The following PCDH9 variants were observed in gnomAD, a reference collection of about 807,000 sequenced individuals.
The protein encoded by PCDH9 is protocadherin-9.
In PCDH9, 24 loss-of-function variants were observed where a neutral mutation model predicts 70.6. That is an observed-to-expected ratio of 0.34 (90% CI 0.25 to 0.48). PCDH9 has a LOEUF of 0.48. Among genes scored for constraint, PCDH9 ranks in the 20% least tolerant of loss-of-function variants. PCDH9 has a pLI of 0.99. For synonymous variants in PCDH9, 562 were observed against 558.5 expected (o/e 1.01, Z -0.09); for missense variants, 1,281 against 1,503.6 (o/e 0.85, Z 2.45).
At chr13:66,698,980 T>C (rs2078600599) in intron 3 of PCDH9, among the ~76,000 whole-genome samples, 1 of 146,586 alleles carries the variant, frequency 6.8e-6, no homozygotes, top group Non-Finnish European at 1.5e-5. Context: ...AATGGTGCAA[T>C]CTCGGCTCAC....
intron 3 of PCDH9, among the ~76,000 whole-genome samples, chr13:66,688,064 T>C (rs1593896287): frequency 6.6e-6 from 1 of 152,146 alleles, no homozygotes; most frequent in African/African-American, 2.4e-5. Flanking sequence ...CCAAAGCCCA[T>C]CTTGCTTATG....
chr13:66,891,465 C>A (rs1419690936), intron 3 of PCDH9, among the ~76,000 whole-genome samples: 1 of 152,008 alleles, frequency 6.6e-6, no homozygotes, highest in African/African-American at 2.4e-5. Flanking sequence ...TGCATGCCTA[C>A]AAATTGCTTA....
intron 2 of PCDH9, among the ~76,000 whole-genome samples, chr13:66,986,878 G>A (rs1229561098): frequency 6.6e-6 from 1 of 151,652 alleles, no homozygotes; most frequent in Non-Finnish European, 1.5e-5. Context: ...GAACCACAGA[G>A]AATAGATATA....
intron 4 of PCDH9, among the ~76,000 whole-genome samples, chr13:66,493,540 T>G (rs757575377): frequency 2.6e-5 from 4 of 152,112 alleles, no homozygotes; most frequent in Non-Finnish European, 5.9e-5. Context: ...AAAAATTATT[T>G]TAAACCATGA....
intron 3 of PCDH9, among the ~76,000 whole-genome samples, chr13:66,763,196 T>A (rs530997832): frequency 9.9e-5 from 15 of 151,950 alleles, no homozygotes; most frequent in African/African-American, 3.6e-4. Flanking sequence ...AAATGACATA[T>A]ATTTTATATA....
intron 2 of PCDH9, among the ~76,000 whole-genome samples, chr13:67,031,698 A>C (rs944667855): frequency 2.0e-5 from 3 of 152,324 alleles, no homozygotes; most frequent in African/African-American, 7.2e-5. Context: ...AATAAAAATA[A>C]TAATCACATA....
At chr13:66,623,792 T>C (rs1410845185) in intron 4 of PCDH9, among the ~76,000 whole-genome samples, 2 of 152,216 alleles carry the variant, frequency 1.3e-5, no homozygotes, top group African/African-American at 4.8e-5. Flanking sequence ...AGTTTACTTA[T>C]AATACTATCT....
chr13:67,180,621 C>T (rs992317708), intron 2 of PCDH9, among the ~76,000 whole-genome samples: 6 of 152,142 alleles, frequency 3.9e-5, no homozygotes, highest in African/African-American at 1.4e-4. Flanking sequence ...TTTAAAATAA[C>T]TATTCAAAAT....
At chr13:66,826,218 AT>A (rs1435493864) in intron 3 of PCDH9, among the ~76,000 whole-genome samples, 1 of 152,178 alleles carries the variant, frequency 6.6e-6, no homozygotes, top group African/African-American at 2.4e-5. Flanking sequence ...CATGGAATGG[AT>A]TCCAAAATGG....
chr13:66,314,696 C>T (rs1955619430), intron 4 of PCDH9, among the ~76,000 whole-genome samples: 1 of 152,102 alleles, frequency 6.6e-6, no homozygotes, highest in Non-Finnish European at 1.5e-5. Context: ...CCTGAATTTA[C>T]CGTTCTTGTA....
intron 3 of PCDH9, among the ~76,000 whole-genome samples, chr13:66,747,292 AG>A (rs1240736177): frequency 6.6e-6 from 1 of 152,240 alleles, no homozygotes; most frequent in East Asian, 1.9e-4. Flanking sequence ...TGAAGGTTGC[AG>A]TGAGCCAAGA....
intron 4 of PCDH9, among the ~76,000 whole-genome samples, chr13:66,379,215 T>G (rs752237701): frequency 2.6e-5 from 4 of 152,208 alleles, no homozygotes; most frequent in Non-Finnish European, 5.9e-5. Flanking sequence ...CTACCATGTG[T>G]GCTGCACATC....
At chr13:66,842,688 T>G (rs1185346362) in intron 3 of PCDH9, among the ~76,000 whole-genome samples, 1 of 152,198 alleles carries the variant, frequency 6.6e-6, no homozygotes, top group East Asian at 1.9e-4. Flanking sequence ...GTAATGACAT[T>G]AACTGTTAAT....
At chr13:66,965,399 C>T (rs182161454) in intron 2 of PCDH9, among the ~76,000 whole-genome samples, 279 of 152,116 alleles carry the variant, frequency 1.8e-3, no homozygotes, top group African/African-American at 6.2e-3. Context: ...AGGATTTTCC[C>T]TTAATTTATC....
At chr13:66,385,460 T>G (rs1459830614) in intron 4 of PCDH9, among the ~76,000 whole-genome samples, 1 of 152,064 alleles carries the variant, frequency 6.6e-6, no homozygotes. Flanking sequence ...CCTCCCCAAA[T>G]AACAGGACTT....
rs1024335773 is a variant in PCDH9 at position 66,613,227 on chromosome 13, G to T, written c.3340+17983C>A. On this transcript the variant is annotated intron_variant, in intron 4 of 4. Transcript: ENST00000377865. ...GCCGGCTGTTTGGAACCAGCCATTC[G>T]CCACTGCTGCAGACTTCCCCGTCCC... Among the ~76,000 whole-genome samples, 7 of 152,214 alleles carry T rather than the reference G, an allele frequency of 4.6e-5. No individual in the cohort carries two copies. In the South Asian group the frequency reaches 1.0e-3, roughly 23 times the overall value.
intron 4 of PCDH9, among the ~76,000 whole-genome samples, chr13:66,550,980 A>C (rs936338903): frequency 1.3e-5 from 2 of 152,210 alleles, no homozygotes; most frequent in Non-Finnish European, 2.9e-5. Context: ...ATTGAGGGAA[A>C]GCAAAAGTAA....
chr13:67,039,366 T>C, intron 2 of PCDH9, among the ~76,000 whole-genome samples: 1 of 152,134 alleles, frequency 6.6e-6, no homozygotes, highest in East Asian at 1.9e-4. Flanking sequence ...TAGAATCCAA[T>C]CAGATCAAGT....
intron 2 of PCDH9, among the ~76,000 whole-genome samples, chr13:66,966,477 G>A (rs1051152764): frequency 6.6e-6 from 1 of 152,092 alleles, no homozygotes; most frequent in African/African-American, 2.4e-5. Context: ...CCTCAGTCGA[G>A]GCTGCCAATA....
Sources: allele counts gnomAD v4.1 joint callset (sites outside exome capture counted in the v4.1 genomes callset), GRCh38; gene constraint gnomAD v4.1.1; transcripts MANE v1.5; gene names NCBI Gene and HGNC (gene_info 2026-07-23, HGNC 2026-07-21).